The following DGKB variants were observed in gnomAD, a reference collection of about 807,000 sequenced individuals.
DGKB encodes diacylglycerol kinase beta.
DGKB carries 67 observed loss-of-function variants against 114.3 expected under a neutral mutation model. The ratio of observed to expected loss-of-function variants is 0.59; its 90% CI spans 0.48 to 0.72. The LOEUF (loss-of-function observed/expected upper bound fraction) is 0.72, where lower values mean the gene tolerates loss of function less well. Ranked by LOEUF, DGKB falls within the 30% of genes least tolerant of loss-of-function variation. The pLI is 0.00. For synonymous variants in DGKB, 398 were observed against 323.1 expected (o/e 1.23, Z -2.49); for missense variants, 907 against 975.2 (o/e 0.93, Z 0.93).
rs1002172516 is a variant in DGKB at position 14,398,510 on chromosome 7, T to C, written c.1836-53119A>G. ...CAAAAGAAATAGCGAGGCAAAGCTA[T>C]AAAATTCTTTTATAAAAAAGAAAAC... On this transcript the variant is annotated intron_variant, in intron 21 of 25. Coordinates refer to ENST00000402815, the MANE Select transcript of DGKB (RefSeq NM_001350709.2). Among the ~76,000 whole-genome samples the C allele has an allele frequency of 3.3e-5, 5 of 152,044 alleles. No homozygotes were observed. The East Asian group carries it at 9.6e-4, about 29-fold the overall frequency.
At chr7:14,480,604 T>C (rs974833669) in intron 20 of DGKB, among the ~76,000 whole-genome samples, 3 of 152,114 alleles carry the variant, frequency 2.0e-5, no homozygotes, top group African/African-American at 7.2e-5. Context: ...CATTTTAAAA[T>C]AAATTTTACC....
chr7:14,449,635 C>T (rs564452785), intron 21 of DGKB, among the ~76,000 whole-genome samples: 3 of 152,110 alleles, frequency 2.0e-5, no homozygotes, highest in East Asian at 1.9e-4. Flanking sequence ...ATTCACTTTC[C>T]TGAACACTGC....
intron 20 of DGKB, among the ~76,000 whole-genome samples, chr7:14,550,268 T>C (rs932582596): frequency 6.6e-6 from 1 of 151,900 alleles, no homozygotes; most frequent in Non-Finnish European, 1.5e-5. Context: ...ACTTATTTAC[T>C]AAGGAGTTTA....
chr7:14,890,717 C>T (rs542394480), intron 1 of DGKB, among the ~76,000 whole-genome samples: 5 of 151,212 alleles, frequency 3.3e-5, no homozygotes, highest in South Asian at 2.1e-4. Flanking sequence ...ATTCTCCTCA[C>T]GTGTGTGACC....
At chr7:14,887,301 C>T (rs1051427541) in intron 1 of DGKB, among the ~76,000 whole-genome samples, 1 of 151,820 alleles carries the variant, frequency 6.6e-6, no homozygotes, top group Non-Finnish European at 1.5e-5. Flanking sequence ...ACAATTGACA[C>T]AGCTCTTTCT....
At chr7:14,509,966 G>A (rs577036752) in intron 20 of DGKB, among the ~76,000 whole-genome samples, 20 of 152,234 alleles carry the variant, frequency 1.3e-4, no homozygotes, top group African/African-American at 4.8e-4. Context: ...ATGAGGTCAG[G>A]AGATGGAGAC....
chr7:14,864,915 C>T (rs1180213590), intron 1 of DGKB, among the ~76,000 whole-genome samples: 1 of 152,014 alleles, frequency 6.6e-6, no homozygotes, highest in African/African-American at 2.4e-5. Flanking sequence ...ATTTTCCAGA[C>T]AGAATTCTGC....
At chr7:14,307,056 CTTT>C (rs1804594047) in intron 23 of DGKB, among the ~76,000 whole-genome samples, 2 of 143,280 alleles carry the variant, frequency 1.4e-5, no homozygotes, top group Admixed American at 1.4e-4. Context: ...ACTTATCATA[CTTT>C]ATTATAATTA....
chr7:14,502,069 A>T (rs1786277197), intron 20 of DGKB, among the ~76,000 whole-genome samples: 1 of 151,918 alleles, frequency 6.6e-6, no homozygotes, highest in South Asian at 2.1e-4. Context: ...TTGTTCACAC[A>T]TGTCATACCC....
intron 2 of DGKB, among the ~76,000 whole-genome samples, chr7:14,772,562 A>G (rs1474208804): frequency 6.6e-6 from 1 of 152,188 alleles, no homozygotes; most frequent in Non-Finnish European, 1.5e-5. Context: ...TGCATATTTG[A>G]TGAAAATCTT....
intron 23 of DGKB, among the ~76,000 whole-genome samples, chr7:14,248,620 A>AT (rs1405970757): frequency 1.3e-5 from 2 of 151,906 alleles, no homozygotes; most frequent in Non-Finnish European, 2.9e-5. Context: ...TTTAAATGGA[A>AT]TTGTTTTTTA....
chr7:14,924,268 C>T (rs569450190), intron 1 of DGKB, among the ~76,000 whole-genome samples: 24 of 152,250 alleles, frequency 1.6e-4, no homozygotes, highest in Admixed American at 1.0e-3. Context: ...CACTGTCCTA[C>T]GCGTTCTAAT....
chr7:14,769,805 C>T (rs974255092), intron 2 of DGKB, among the ~76,000 whole-genome samples: 4 of 152,068 alleles, frequency 2.6e-5, no homozygotes, highest in African/African-American at 9.7e-5. Flanking sequence ...CTTGCAAACT[C>T]ATCCCTCCAA....
At chr7:14,356,159 C>A (rs1814439738) in intron 21 of DGKB, among the ~76,000 whole-genome samples, 1 of 151,766 alleles carries the variant, frequency 6.6e-6, no homozygotes, top group Non-Finnish European at 1.5e-5. Flanking sequence ...CTATTTGATT[C>A]TTTCCTCTTT....
chr7:14,799,625 C>G (rs1439977061), intron 2 of DGKB, among the ~76,000 whole-genome samples: 1 of 152,174 alleles, frequency 6.6e-6, no homozygotes, highest in African/African-American at 2.4e-5. Flanking sequence ...ACTAAGAAAG[C>G]GGTACCTCTA....
intron 2 of DGKB, among the ~76,000 whole-genome samples, chr7:14,813,843 T>C (rs1843741350): frequency 6.6e-6 from 1 of 152,176 alleles, no homozygotes. Flanking sequence ...TTCATTGGTG[T>C]TATCTGAAAA....
At chr7:14,177,554 C>CAAAAAAAAAAAAAAAAAA (rs56019837) in intron 24 of DGKB, among the ~76,000 whole-genome samples, 5 of 69,018 alleles carry the variant, frequency 7.2e-5, no homozygotes, top group Admixed American at 2.3e-4. Context: ...AACTCCGTCT[C>CAAAAAAAAAAAAAAAAAA]AAAAAAAAAA....
chr7:14,536,533 A>G (rs1792524925), intron 20 of DGKB, among the ~76,000 whole-genome samples: 1 of 152,218 alleles, frequency 6.6e-6, no homozygotes, highest in South Asian at 2.1e-4. Flanking sequence ...AATGGGATAC[A>G]TGACCTTAGC....
intron 10 of DGKB, among the ~76,000 whole-genome samples, chr7:14,683,511 G>A (rs899505045): frequency 2.6e-5 from 4 of 151,936 alleles, no homozygotes; most frequent in East Asian, 1.9e-4. Flanking sequence ...TATATAATAC[G>A]TGTCAGAAAA....
Sources: allele counts gnomAD v4.1 joint callset (sites outside exome capture counted in the v4.1 genomes callset), GRCh38; gene constraint gnomAD v4.1.1; transcripts MANE v1.5; gene names NCBI Gene and HGNC (gene_info 2026-07-23, HGNC 2026-07-21).